Variants in PMPCB observed in about 807,000 individuals in gnomAD.
The protein encoded by PMPCB is mitochondrial-processing peptidase subunit beta.
A neutral mutation model predicts 61.5 loss-of-function variants in PMPCB; 46 were observed. The observed-to-expected ratio is 0.75, with a 90% CI of 0.59 to 0.96. The LOEUF (loss-of-function observed/expected upper bound fraction) is 0.96. PMPCB is among the 40% of genes least tolerant of loss of function. The pLI, the probability that PMPCB is intolerant of heterozygous loss-of-function variation, is 0.00. For synonymous variants in PMPCB, 191 were observed against 201.6 expected (o/e 0.95, Z 0.44); for missense variants, 590 against 602.4 (o/e 0.98, Z 0.22).
chr7:103,315,988 C>A, downstream of PMPCB: 1 of 1,588,512 alleles, frequency 6.3e-7, no homozygotes, highest in South Asian at 1.1e-5. Flanking sequence ...CAAAACTCAC[C>A]AAGTTTTTGG....
the PMPCB span, chr7:103,342,006 T>A: frequency 7.4e-7 from 1 of 1,351,070 alleles, no homozygotes; most frequent in Non-Finnish European, 9.9e-7. Flanking sequence ...GGAATAAATA[T>A]GTTTCAAGGC....
In PMPCB at chr7:103,300,212, T is replaced by A. The variant is rs200425414; in HGVS notation, c.362T>A (p.Leu121His). 1 of 1,613,246 alleles carries A rather than the reference T, an allele frequency of 6.2e-7. No homozygotes were observed. Among genetic ancestry groups the A allele is most frequent in the Non-Finnish European group, 8.5e-7 (1 of 1,179,350 alleles). ...AAGAGATCCCAGTTAGATCTGGAAC[T>A]TGAGATTGAAAATATGGGTGCTCAT... The part of the protein sequence containing the change: ...TKKRSQLDLE[L>H]EIENMGAHLN... The change falls in exon 4 of 13, where the codon CTT (leucine) becomes CAT (histidine). Residue 121 changes from leucine (L) to histidine (H), a missense_variant. By Grantham distance (99) the Leu-to-His change is moderately conservative (BLOSUM62 -3). Transcript: ENST00000249269.
intron 12 of PMPCB, chr7:103,319,839 C>G: frequency 6.2e-7 from 1 of 1,614,024 alleles, no homozygotes; most frequent in Non-Finnish European, 8.5e-7. Flanking sequence ...AAAAATGATT[C>G]CAGGTCTAAA....
At chr7:103,308,848 A>C in intron 7 of PMPCB, 104 bp from the exon 8 acceptor site, 1 of 836,562 alleles carries the variant, frequency 1.2e-6, no homozygotes, top group Non-Finnish European at 1.8e-6. Flanking sequence ...CCTGGTGTGC[A>C]TTTTAACTTT....
downstream of PMPCB, chr7:103,316,873 G>T: frequency 1.2e-6 from 2 of 1,613,928 alleles, no homozygotes; most frequent in Non-Finnish European, 1.7e-6. Flanking sequence ...GCTTTAATTA[G>T]TAATTGTAGA....
intron 2 of PMPCB, among the ~76,000 whole-genome samples, 170 bp from the exon 3 acceptor site, chr7:103,299,273 C>T (rs557504764): frequency 1.3e-5 from 2 of 152,180 alleles, no homozygotes; most frequent in South Asian, 2.1e-4. Flanking sequence ...GTATCCTGAT[C>T]GAAATTTTTA....
chr7:103,329,902 A>G (rs144333588), downstream of PMPCB, among the ~76,000 whole-genome samples: 579 of 152,214 alleles, frequency 3.8e-3, 4 homozygotes, highest in African/African-American at 0.014. Flanking sequence ...CTTCTTTCCA[A>G]TAGTTGTCTC....
intron 12 of PMPCB, chr7:103,322,372 T>G: frequency 1.1e-6 from 1 of 928,564 alleles, no homozygotes; most frequent in Non-Finnish European, 1.6e-6. Flanking sequence ...TTATACCAAC[T>G]GGTCATGATT....
At chr7:103,347,198 C>T in the PMPCB span, among the ~76,000 whole-genome samples, 1 of 152,170 alleles carries the variant, frequency 6.6e-6, no homozygotes, top group African/African-American at 2.4e-5. Context: ...CTTTCCAACA[C>T]TTATTTTCTG....
intron 6 of PMPCB, among the ~76,000 whole-genome samples, chr7:103,306,367 T>C (rs1817575567): frequency 6.6e-6 from 1 of 151,914 alleles, no homozygotes; most frequent in Non-Finnish European, 1.5e-5. Context: ...GATGACACTA[T>C]TTTGTTCCTG....
At chr7:103,333,748 C>A (rs546912025), downstream of PMPCB, among the ~76,000 whole-genome samples, 1 of 152,314 alleles carries the variant, frequency 6.6e-6, no homozygotes, top group South Asian at 2.1e-4. Context: ...ATGTAACTTA[C>A]AGTATGCCTA....
At chr7:103,319,556 C>A, downstream of PMPCB, 5 of 1,555,240 alleles carry the variant, frequency 3.2e-6, no homozygotes, top group South Asian at 5.6e-5. Context: ...AGAAACAGGT[C>A]AAAGCAGAAT....
At chr7:103,299,846 G>A (rs1364528448) in intron 3 of PMPCB, among the ~76,000 whole-genome samples, 1 of 152,082 alleles carries the variant, frequency 6.6e-6, no homozygotes, top group African/African-American at 2.4e-5. Flanking sequence ...TCTGCTTACT[G>A]CAACCTCCGC....
downstream of PMPCB, among the ~76,000 whole-genome samples, chr7:103,332,909 C>T (rs1819030866): frequency 6.6e-6 from 1 of 152,186 alleles, no homozygotes; most frequent in Non-Finnish European, 1.5e-5. Context: ...AAGGCATGAG[C>T]CACCATGATT....
At chr7:103,307,313 T>C (rs1215612847) in intron 6 of PMPCB, among the ~76,000 whole-genome samples, 1 of 152,216 alleles carries the variant, frequency 6.6e-6, no homozygotes, top group Non-Finnish European at 1.5e-5. Context: ...TAATAGAAAA[T>C]GATTTTGTAA....
intron 12 of PMPCB, chr7:103,324,635 T>C: frequency 8.2e-7 from 1 of 1,224,032 alleles, no homozygotes. Context: ...CAATTTAATT[T>C]ATTAAAAACA....
intron 12 of PMPCB, among the ~76,000 whole-genome samples, chr7:103,323,305 CA>C (rs139648059): frequency 0.066 from 9,692 of 147,784 alleles, 481 homozygotes; most frequent in East Asian, 0.27. Flanking sequence ...TGCACACATA[CA>C]AAAAAAAAAT....
Position 103,313,650 on chromosome 7 carries a change from TGTG to T in PMPCB, c.*1383_*1385del. On this transcript the variant is annotated 3_prime_UTR_variant, in exon 13 of 13. Coordinates refer to ENST00000249269, the MANE Select transcript of PMPCB (RefSeq NM_004279.3). ...AAGCTGAGATTAGATTGTGTTGTAGTGTGGTGTTCTCTTCGTCACATCTGCTAA... is the reference window on the plus strand; with the variant it reads ...AAGCTGAGATTAGATTGTGTTGTAGTGTGTTCTCTTCGTCACATCTGCTAA... The T allele has an allele frequency of 1.0e-6, 1 of 985,404 alleles. No individual in the cohort carries two copies. The highest frequency in any genetic ancestry group is 1.2e-6 in the Non-Finnish European group (1 of 829,912). 61.0% of individuals were successfully genotyped at this position (985,404 alleles called of 1,614,324 possible). A position where few individuals can be genotyped will look rare whatever the true frequency, so the allele number is the denominator to read the frequency against.
downstream of PMPCB, among the ~76,000 whole-genome samples, chr7:103,318,686 G>A (rs981955318): frequency 6.6e-5 from 10 of 152,138 alleles, no homozygotes; most frequent in African/African-American, 2.2e-4. Context: ...TTGAATTTCT[G>A]GGCCTGTTTT....
Sources: gnomAD v4.1 joint callset for allele counts (sites outside exome capture counted in the v4.1 genomes callset) on GRCh38, gnomAD v4.1.1 for gene constraint, MANE v1.5 for transcripts, NCBI Gene and HGNC (gene_info 2026-07-23, HGNC 2026-07-21) for gene names.